Variants in FIGLA observed in about 807,000 individuals in gnomAD.
FIGLA encodes folliculogenesis specific bHLH transcription factor, also known as factor in the germline alpha.
In FIGLA, 17 loss-of-function variants were observed where a neutral mutation model predicts 21.5. That is an observed-to-expected ratio of 0.79 (90% confidence interval 0.54 to 1.19). The LOEUF (loss-of-function observed/expected upper bound fraction) is 1.19, where lower values mean the gene tolerates loss of function less well. FIGLA is among the 50% of genes most tolerant of loss of function. The pLI is 0.00. For synonymous variants in FIGLA, 129 were observed against 117.6 expected, an observed-to-expected ratio of 1.10 and a Z score of -0.63; for missense variants, 282 against 285.0, an observed-to-expected ratio of 0.99 and a Z score of 0.08.
intron 3 of FIGLA, among the ~76,000 whole-genome samples, 171 bp from the exon 4 acceptor site, chr2:70,777,842 T>C (rs191493520): frequency 1.3e-5 from 2 of 152,362 alleles, no homozygotes; most frequent in East Asian, 3.9e-4. Context: ...CACAATGTTA[T>C]GTACCTGATG....
At chr2:70,785,363 T>C (rs1675926893) in intron 3 of FIGLA, 52 bp downstream of exon 3, 2 of 1,377,870 alleles carry the variant, frequency 1.5e-6, no homozygotes, top group African/African-American at 1.4e-5. Context: ...TCTCAAAGTA[T>C]ACATTTTAAG....
intron 3 of FIGLA, among the ~76,000 whole-genome samples, chr2:70,782,137 ACCT>A (rs1472253292): frequency 9.2e-5 from 14 of 152,304 alleles, no homozygotes; most frequent in Non-Finnish European, 1.6e-4. Context: ...GTTTCAAAGC[ACCT>A]CCTCACAAAA....
rs143995491 is a variant in FIGLA at position 70,789,461 on chromosome 2, G to A, written c.231+947C>T. Among the ~76,000 whole-genome samples, 161 of 152,252 alleles carry A rather than the reference G, an allele frequency of 1.1e-3. 1 individual carries two copies. The highest frequency in any genetic ancestry group is 3.7e-3 in the African/African-American group (155 of 41,548). ...GATCACAGGGTTCTGTCCATCAAGA[G>A]TCTAGTACTGGTAAAAGAGGAGACT... On this transcript the variant is annotated intron_variant, in intron 1 of 4. Transcript: ENST00000332372.
At chr2:70,784,413 G>C (rs1204252688) in intron 3 of FIGLA, among the ~76,000 whole-genome samples, 1 of 152,188 alleles carries the variant, frequency 6.6e-6, no homozygotes, top group Non-Finnish European at 1.5e-5. Context: ...TATTATGCCA[G>C]ATACTTTGCT....
In FIGLA at chr2:70,787,671, A is replaced by T. The variant is rs782103382; in HGVS notation, c.362T>A (p.Leu121Ter). Residue 121 changes from leucine (L) to a stop codon, truncating the protein, a stop_gained, in exon 2 of 5, where the codon TTG (leucine) becomes TAG (stop). Coordinates refer to ENST00000332372, the MANE Select transcript of FIGLA (RefSeq NM_001004311.3). LOFTEE classifies it high-confidence loss of function. ...TACCTTTGAGTCTTTGGCTCCTTCC[A>T]AAAGATCACTGAGAACCTGTATATA... is the stretch of plus-strand genomic sequence containing the variant. ...TEYIQVLSDLLEGAKDSKKQD... is the reference protein window; with the variant it reads ...TEYIQVLSDL 6.3e-7 allele frequency: 1 copy of T among 1,578,878 alleles called. No homozygotes were observed. The highest frequency in any genetic ancestry group is 8.6e-7 in the Non-Finnish European group (1 of 1,161,604).
At position 70,790,190 on chromosome 2, in the gene FIGLA, GGCGGCCACCGCA is replaced by G. The variant is rs202173822; in HGVS notation, c.231+206_231+217del. On this transcript the variant is annotated intron_variant, in intron 1 of 4. Coordinates refer to ENST00000332372, the MANE Select transcript of FIGLA (RefSeq NM_001004311.3). ...CAAATCCTGGAGGGTTAGCGGGCGA[GGCGGCCACCGCA>G]GCGGCCGCCAACGAGCAGCTGCACG... is the stretch of plus-strand genomic sequence containing the variant. Among the ~76,000 whole-genome samples the G allele has an allele frequency of 5.6e-3, 851 of 152,220 alleles. 8 individuals are homozygous for G. The highest frequency in any genetic ancestry group is 0.02 in the African/African-American group (824 of 41,572).
intron 3 of FIGLA, 68 bp downstream of exon 3, chr2:70,785,347 C>T: frequency 2.4e-6 from 3 of 1,245,052 alleles, no homozygotes; most frequent in Non-Finnish European, 3.4e-6. Context: ...GGAAAAATGA[C>T]TCATATCTCA....
chr2:70,789,248 TCTTAA>T (rs1676013696), intron 1 of FIGLA, among the ~76,000 whole-genome samples: 3 of 152,154 alleles, frequency 2.0e-5, no homozygotes, highest in African/African-American at 2.4e-5. Context: ...GTGTTGTGTC[TCTTAA>T]CTTCTTCACT....
intron 2 of FIGLA, among the ~76,000 whole-genome samples, chr2:70,786,082 A>G (rs576164913): frequency 6.6e-6 from 1 of 152,296 alleles, no homozygotes; most frequent in African/African-American, 2.4e-5. Flanking sequence ...AAAAATATTC[A>G]AAGGTACTAT....
intron 3 of FIGLA, 113 bp from the exon 4 acceptor site, chr2:70,777,784 T>TA: frequency 1.9e-6 from 1 of 530,718 alleles, no homozygotes; most frequent in Non-Finnish European, 3.4e-6. Flanking sequence ...TTGTCCCACC[T>TA]AATGGGTCAC....
intron 3 of FIGLA, among the ~76,000 whole-genome samples, chr2:70,778,620 GTTTGTT>G (rs1675805065): frequency 6.6e-6 from 1 of 152,034 alleles, no homozygotes; most frequent in Non-Finnish European, 1.5e-5. Flanking sequence ...ATTTATTTTA[GTTTGTT>G]TTTAAGAATT....
At chr2:70,781,824 G>A (rs1553389173) in intron 3 of FIGLA, among the ~76,000 whole-genome samples, 1 of 152,194 alleles carries the variant, frequency 6.6e-6, no homozygotes, top group East Asian at 1.9e-4. Context: ...CCATAAAGGG[G>A]CAGCGTGAAG....
intron 1 of FIGLA, among the ~76,000 whole-genome samples, chr2:70,788,923 T>G (rs1376414728): frequency 1.3e-5 from 2 of 152,174 alleles, no homozygotes; most frequent in African/African-American, 4.8e-5. Context: ...AGCATTTTAT[T>G]CTAAGGAAAT....
At chr2:70,784,945 C>CAA (rs35547757) in intron 3 of FIGLA, among the ~76,000 whole-genome samples, 5,672 of 139,352 alleles carry the variant, frequency 0.041, 302 homozygotes, top group African/African-American at 0.13. Flanking sequence ...CCCCCCACCA[C>CAA]AAAAAAAAAA....
rs1675777255 is a variant in FIGLA, at chr2:70,777,312, C to T, written c.*55G>A. The T allele has an allele frequency of 1.8e-6, 2 of 1,083,002 alleles. No individual in the cohort carries two copies. The highest frequency in any genetic ancestry group is 1.7e-5 in the African/African-American group (1 of 59,376). 67.1% of individuals were successfully genotyped at this position (1,083,002 alleles called of 1,614,324 possible). Reference sequence around the variant, plus strand: ...AAAAAAAAAAAGAGAGACTCCAAAACTTTCAAGACTGCATTTATTTGTCTC... The same window carrying T: ...AAAAAAAAAAAGAGAGACTCCAAAATTTTCAAGACTGCATTTATTTGTCTC... On this transcript the variant is annotated 3_prime_UTR_variant, in exon 5 of 5. Coordinates refer to ENST00000332372, the MANE Select transcript of FIGLA (RefSeq NM_001004311.3).
intron 3 of FIGLA, among the ~76,000 whole-genome samples, chr2:70,783,174 A>G (rs1199988161): frequency 6.6e-6 from 1 of 152,240 alleles, no homozygotes; most frequent in African/African-American, 2.4e-5. Flanking sequence ...AGGCCTCAGA[A>G]GTCATACTTG....
chr2:70,789,831 G>A (rs1676025556), intron 1 of FIGLA, among the ~76,000 whole-genome samples: 1 of 152,200 alleles, frequency 6.6e-6, no homozygotes, highest in South Asian at 2.1e-4. Context: ...AGTTGCTGCG[G>A]CTCGACTGGG....
At chr2:70,781,471 T>C (rs1329715192) in intron 3 of FIGLA, among the ~76,000 whole-genome samples, 1 of 152,130 alleles carries the variant, frequency 6.6e-6, no homozygotes, top group African/African-American at 2.4e-5. Context: ...TGATAGTATA[T>C]AATAATCCAC....
rs1574353974 is a variant in FIGLA, at chr2:70,790,632, G to A, written c.7C>T (p.Pro3Ser). The change falls in exon 1 of 5, where the codon CCC (proline) becomes TCC (serine). Residue 3 changes from proline to serine, a missense_variant. Pro to Ser is a moderately conservative substitution (Grantham distance 74). Transcript: ENST00000332372. The part of the protein sequence containing the change: MD[P>S]APGVLDPRAA... ...CGGGGATCTAGGACGCCGGGCGCGG[G>A]GTCCATGGCAGGGCCGAGGCCGCTG... 2.2e-6 allele frequency: 3 copies of A among 1,385,520 alleles called. No homozygotes were observed. The highest frequency in any genetic ancestry group is 1.7e-5 in the South Asian group (1 of 59,766). 85.8% of individuals were successfully genotyped at this position (1,385,520 alleles called of 1,614,324 possible).
Sources: allele counts gnomAD v4.1 joint callset (sites outside exome capture counted in the v4.1 genomes callset), GRCh38; gene constraint gnomAD v4.1.1; transcripts MANE v1.5; gene names NCBI Gene and HGNC (gene_info 2026-07-23, HGNC 2026-07-21).